The following ATP2B2 variants were observed in gnomAD, a reference collection of about 807,000 sequenced individuals.
ATP2B2 encodes plasma membrane calcium-transporting ATPase 2.
Under a neutral mutation model 120.0 loss-of-function variants are expected in ATP2B2, and 15 were observed. The ratio of observed to expected loss-of-function variants is 0.12; its 90% CI spans 0.08 to 0.19. The LOEUF is 0.19. ATP2B2 is among the 10% of genes least tolerant of loss of function. The probability of loss-of-function intolerance (pLI) is 1.00; values close to 1 mark genes in which losing one functional copy is unlikely to be tolerated. For missense variants in ATP2B2, 1,045 were observed against 1,719.8 expected (o/e 0.61, Z 6.94); for synonymous variants, 694 against 700.3 (o/e 0.99, Z 0.14).
At chr3:10,605,954 C>A (rs1213826655) in intron 2 of ATP2B2, among the ~76,000 whole-genome samples, 1 of 152,120 alleles carries the variant, frequency 6.6e-6, no homozygotes, top group East Asian at 1.9e-4. Flanking sequence ...CAGCCCTCTA[C>A]ATTTTTTTTT....
At chr3:10,404,150 C>G (rs2062329622) in intron 3 of ATP2B2, among the ~76,000 whole-genome samples, 1 of 152,082 alleles carries the variant, frequency 6.6e-6, no homozygotes, top group African/African-American at 2.4e-5. Context: ...CTGGAAAATT[C>G]CAGGTCTGGA....
chr3:10,629,655 C>T (rs2069809399), intron 1 of ATP2B2, among the ~76,000 whole-genome samples: 1 of 152,146 alleles, frequency 6.6e-6, no homozygotes, highest in Admixed American at 6.5e-5. Context: ...GGGATGAAAC[C>T]CAGGGATCCT....
intron 5 of ATP2B2, among the ~76,000 whole-genome samples, chr3:10,388,731 C>T (rs973209422): frequency 2.6e-4 from 40 of 152,338 alleles, no homozygotes; most frequent in African/African-American, 7.7e-4. Flanking sequence ...CAGATGTAGA[C>T]ATCAAACTCC....
chr3:10,473,860 A>G (rs1052658589), intron 1 of ATP2B2, among the ~76,000 whole-genome samples: 1 of 152,228 alleles, frequency 6.6e-6, no homozygotes, highest in African/African-American at 2.4e-5. Flanking sequence ...AGTTCAGAGA[A>G]GCATAAGGGC....
intron 1 of ATP2B2, among the ~76,000 whole-genome samples, chr3:10,671,096 G>A (rs1282528678): frequency 1.3e-5 from 2 of 152,194 alleles, no homozygotes; most frequent in African/African-American, 4.8e-5. Context: ...GTTCTCTTCT[G>A]GGGCAGCAGG....
Position 10,615,000 on chromosome 3 carries a change from C to T in ATP2B2, c.-415+4917G>A, listed in dbSNP as rs142277760. 5.9e-5 allele frequency among the ~76,000 whole-genome samples: 9 copies of T among 152,264 alleles called. No homozygotes were observed. In the East Asian group the frequency reaches 1.4e-3, roughly 23 times the overall value. Reference sequence around the variant, plus strand: ...CCCCTCAATTCCAGGATCTCATGCACGGTCCTGGATTCTACCCTGTGAGTA... The same window carrying T: ...CCCCTCAATTCCAGGATCTCATGCATGGTCCTGGATTCTACCCTGTGAGTA... On this transcript the variant is annotated intron_variant, in intron 2 of 21. Transcript: ENST00000646379.
chr3:10,373,850 C>T (rs755491637), intron 11 of ATP2B2, among the ~76,000 whole-genome samples: 5 of 152,128 alleles, frequency 3.3e-5, no homozygotes, highest in Non-Finnish European at 7.4e-5. Context: ...CTGGGGATTA[C>T]AGGCATGAGT....
At chr3:10,615,282 C>A (rs1016315842) in intron 2 of ATP2B2, among the ~76,000 whole-genome samples, 1 of 152,032 alleles carries the variant, frequency 6.6e-6, no homozygotes, top group South Asian at 2.1e-4. Context: ...GGTGTAGGAG[C>A]GGGAGCAACC....
chr3:10,522,409 G>A (rs1463148820), intron 3 of ATP2B2, among the ~76,000 whole-genome samples: 1 of 152,178 alleles, frequency 6.6e-6, no homozygotes, highest in Non-Finnish European at 1.5e-5. Flanking sequence ...TGCACAGCCT[G>A]AGACCTTCCC....
At chr3:10,440,354 G>A (rs1040663287) in intron 2 of ATP2B2, among the ~76,000 whole-genome samples, 4 of 152,098 alleles carry the variant, frequency 2.6e-5, no homozygotes, top group Non-Finnish European at 5.9e-5. Context: ...TTATGGAGCT[G>A]GAGGCCCATT....
chr3:10,602,300 C>T (rs1343674360), intron 2 of ATP2B2, among the ~76,000 whole-genome samples: 5 of 152,242 alleles, frequency 3.3e-5, no homozygotes, highest in Non-Finnish European at 5.9e-5. Flanking sequence ...GGGACTTTCC[C>T]AGACTCTGCC....
chr3:10,336,109 C>A, intron 22 of ATP2B2: 2 of 1,549,372 alleles, frequency 1.3e-6, no homozygotes, highest in Non-Finnish European at 1.7e-6. Flanking sequence ...CAGCCGGAGG[C>A]AGTAAGGAGT....
chr3:10,667,510 T>C (rs1412641226), intron 1 of ATP2B2, among the ~76,000 whole-genome samples: 2 of 152,336 alleles, frequency 1.3e-5, no homozygotes, highest in African/African-American at 4.8e-5. Context: ...CAGCCTGGGC[T>C]GCAGTCTGCA....
intron 22 of ATP2B2, chr3:10,331,900 C>A: frequency 7.2e-7 from 1 of 1,389,526 alleles, no homozygotes; most frequent in South Asian, 1.3e-5. Flanking sequence ...TCTACATACT[C>A]GAATGTTTAC....
At chr3:10,393,973 C>A (rs2061944908) in intron 5 of ATP2B2, among the ~76,000 whole-genome samples, 1 of 152,128 alleles carries the variant, frequency 6.6e-6, no homozygotes, top group Non-Finnish European at 1.5e-5. Flanking sequence ...GTATGCTGAG[C>A]CATAGGTAGC....
chr3:10,578,380 TA>T (rs200655377), intron 2 of ATP2B2, among the ~76,000 whole-genome samples: 3 of 150,196 alleles, frequency 2.0e-5, no homozygotes, highest in Non-Finnish European at 3.0e-5. Context: ...CCGTTTCTAC[TA>T]AAAAAAATAC....
intron 2 of ATP2B2, among the ~76,000 whole-genome samples, chr3:10,607,768 C>T (rs566167498): frequency 6.6e-6 from 1 of 152,312 alleles, no homozygotes; most frequent in East Asian, 1.9e-4. Context: ...TGGCAGCTAT[C>T]ACAAGTTCAG....
chr3:10,339,587 C>G (rs2060218395), intron 21 of ATP2B2, among the ~76,000 whole-genome samples: 1 of 152,182 alleles, frequency 6.6e-6, no homozygotes, highest in Non-Finnish European at 1.5e-5. Flanking sequence ...GGAGAATATT[C>G]TGGGACAAAG....
At chr3:10,627,012 C>T (rs1159420381) in intron 1 of ATP2B2, among the ~76,000 whole-genome samples, 2 of 152,148 alleles carry the variant, frequency 1.3e-5, no homozygotes, top group Non-Finnish European at 2.9e-5. Context: ...AAACTCACTC[C>T]CCAGACTCGG....
Sources: allele counts gnomAD v4.1 joint callset (sites outside exome capture counted in the v4.1 genomes callset), GRCh38; gene constraint gnomAD v4.1.1; transcripts MANE v1.5; gene names NCBI Gene and HGNC (gene_info 2026-07-23, HGNC 2026-07-21).